ZGRF1: variants seen among roughly 807,000 people sequenced by gnomAD.
ZGRF1 encodes 5'-3' DNA helicase ZGRF1.
In ZGRF1, 196 loss-of-function variants were observed where a neutral mutation model predicts 203.5. The ratio of observed to expected loss-of-function variants is 0.96; its 90% CI spans 0.86 to 1.08. ZGRF1 has a LOEUF of 1.08. Ranked by LOEUF, ZGRF1 falls within the 50% of genes least tolerant of loss-of-function variation. ZGRF1 has a pLI of 0.00. For missense variants in ZGRF1, 2,326 were observed against 2,416.3 expected (o/e 0.96, Z 0.78); for synonymous variants, 809 against 841.3 (o/e 0.96, Z 0.66).
At position 112,586,583 on chromosome 4, in the gene ZGRF1, C is replaced by T; in HGVS notation, c.3778G>A (p.Glu1260Lys). ...AAGCACAGCTCAGAGCCACTTATCT[C>T]CTGCAATGGAATAATTCAAGTTATC... ...CYNYSVKDLQEISGSELCFPS... is the reference protein window; with the variant it reads ...CYNYSVKDLQKISGSELCFPS... Residue 1260 changes from glutamate (E) to lysine (K), a missense_variant and splice_region_variant, in exon 13 of 28, where the codon GAG becomes AAG. By Grantham distance (56) the Glu-to-Lys change is moderately conservative. Coordinates refer to ENST00000505019, the MANE Select transcript of ZGRF1 (RefSeq NM_018392.5). The T allele has an allele frequency of 6.3e-7, 1 of 1,599,214 alleles. No individual in the cohort carries two copies. Among genetic ancestry groups the T allele is most frequent in the Non-Finnish European group, 8.5e-7 (1 of 1,171,616 alleles).
intron 16 of ZGRF1, among the ~76,000 whole-genome samples, chr4:112,570,284 T>G (rs1261820666): frequency 1.3e-5 from 2 of 152,130 alleles, no homozygotes; most frequent in African/African-American, 4.8e-5. Flanking sequence ...TTGGCTACAA[T>G]CAAGTGTACA....
chr4:112,540,448 A>T (rs1223723032), intron 26 of ZGRF1, among the ~76,000 whole-genome samples: 1 of 152,220 alleles, frequency 6.6e-6, no homozygotes, highest in Non-Finnish European at 1.5e-5. Flanking sequence ...TCATGTGTAC[A>T]TTAATATTTG....
chr4:112,604,305 T>TATA (rs777946679), intron 9 of ZGRF1, among the ~76,000 whole-genome samples: 4 of 151,766 alleles, frequency 2.6e-5, no homozygotes, highest in Non-Finnish European at 4.4e-5. Context: ...TAAAGATGAG[T>TATA]ATAATAATAA....
At chr4:112,620,393 A>T (rs1380577355) in intron 4 of ZGRF1, among the ~76,000 whole-genome samples, 1 of 152,240 alleles carries the variant, frequency 6.6e-6, no homozygotes, top group Non-Finnish European at 1.5e-5. Flanking sequence ...ATATAATTTT[A>T]AAATTTCTCT....
chr4:112,632,670 T>C (rs2047449972), intron 2 of ZGRF1, among the ~76,000 whole-genome samples: 1 of 152,232 alleles, frequency 6.6e-6, no homozygotes, highest in African/African-American at 2.4e-5. Flanking sequence ...TAACTTCTAA[T>C]ATGAAAAACA....
At chr4:112,573,501 T>C (rs556770189) in intron 16 of ZGRF1, among the ~76,000 whole-genome samples, 3 of 152,178 alleles carry the variant, frequency 2.0e-5, no homozygotes, top group Non-Finnish European at 4.4e-5. Context: ...AAATCACTAC[T>C]AAAGAGCTTA....
chr4:112,584,111 C>G lies in ZGRF1; in HGVS notation c.4165G>C (p.Glu1389Gln), dbSNP rs1278028093. ...GTTGAATATCCTGGAGTCACGTCCT[C>G]AAGCCATTTAAAGAATTTACATCGA... ...ADRCKFFKWL[E>Q]DVTPGYSTQE... Residue 1389 changes from glutamate (E) to glutamine (Q), a missense_variant, in exon 15 of 28, where the codon GAG becomes CAG. Physicochemically the swap from Glu to Gln is conservative, Grantham distance 29 (BLOSUM62 2). Coordinates refer to ENST00000505019, the MANE Select transcript of ZGRF1 (RefSeq NM_018392.5). 1 of 1,613,598 alleles carries G rather than the reference C, an allele frequency of 6.2e-7. No individual in the cohort carries two copies. Among genetic ancestry groups the G allele is most frequent in the East Asian group, 2.2e-5 (1 of 44,848 alleles).
intron 16 of ZGRF1, among the ~76,000 whole-genome samples, chr4:112,570,935 T>C (rs1744095879): frequency 1.3e-5 from 2 of 152,144 alleles, no homozygotes; most frequent in African/African-American, 4.8e-5. Context: ...AAACCCTGTC[T>C]CTACTAAAAA....
chr4:112,617,822 T>A lies in ZGRF1; in HGVS notation c.2220A>T (p.Leu740=). ...CATAGTGATTCTGATTGGTATTTAA[T>A]AGTTGGACACTGTTGTCACTACTAG... ...STSSSDNSVQ[L]LNTNQNHYEC... The change falls in exon 6 of 28, where the codon CTA becomes CTT. Residue 740 remains leucine (L), a synonymous_variant. Coordinates refer to ENST00000505019, the MANE Select transcript of ZGRF1 (RefSeq NM_018392.5). 5 of 1,614,072 alleles carry A rather than the reference T, an allele frequency of 3.1e-6. No individual in the cohort carries two copies. The highest frequency in any genetic ancestry group is 4.2e-6 in the Non-Finnish European group (5 of 1,179,938).
chr4:112,550,339 TAA>T (rs1201086503), intron 22 of ZGRF1, among the ~76,000 whole-genome samples: 11 of 151,714 alleles, frequency 7.3e-5, no homozygotes, highest in Non-Finnish European at 1.6e-4. Context: ...GTTTTAAAGG[TAA>T]AAAAAGAAAA....
chr4:112,617,460 T>A lies in ZGRF1; in HGVS notation c.2582A>T (p.Glu861Val), dbSNP rs1042386451. 1 of 1,559,864 alleles carries A rather than the reference T, an allele frequency of 6.4e-7. No individual in the cohort carries two copies. Among genetic ancestry groups the A allele is most frequent in the African/African-American group, 1.4e-5 (1 of 72,602 alleles). Residue 861 changes from glutamate to valine, a missense_variant, in exon 6 of 28, where the codon GAG becomes GTG. Physicochemically the swap from Glu to Val is moderately radical, Grantham distance 121 (BLOSUM62 -2). Coordinates refer to ENST00000505019, the MANE Select transcript of ZGRF1 (RefSeq NM_018392.5). The part of the protein sequence containing the change: ...VFQQGTQQTY[E>V]PDSPPEVRKP... ...CTAACCTTCAGGAGGGCTATCTGGC[T>A]CATACGTCTGTTGAGTTCCTTGCTG...
At chr4:112,614,974 G>A (rs2046818672) in intron 6 of ZGRF1, among the ~76,000 whole-genome samples, 1 of 152,142 alleles carries the variant, frequency 6.6e-6, no homozygotes, top group Non-Finnish European at 1.5e-5. Flanking sequence ...TGAGTTTAAT[G>A]TTAATGAATT....
intron 10 of ZGRF1, among the ~76,000 whole-genome samples, chr4:112,599,244 TATA>T (rs1245711817): frequency 6.6e-6 from 1 of 152,190 alleles, no homozygotes; most frequent in Non-Finnish European, 1.5e-5. Flanking sequence ...GAAATATTTT[TATA>T]ATATTGAAAA....
chr4:112,593,744 G>A (rs1367643770), intron 10 of ZGRF1, among the ~76,000 whole-genome samples: 1 of 152,136 alleles, frequency 6.6e-6, no homozygotes, highest in Non-Finnish European at 1.5e-5. Flanking sequence ...CAATGCTGGA[G>A]AAGCCCTCCT....
rs1000750338 is a variant in ZGRF1, at chr4:112,540,214, T to A, written c.5911-90A>T. ...CTCAAAGCAACCACTGTAATTTAAC[T>A]AATAGTAAATAATTTTCATTTTTCT... On this transcript the variant is annotated intron_variant, in intron 26 of 27. Transcript: ENST00000505019. 8.1e-6 allele frequency: 7 copies of A among 862,772 alleles called. No individual in the cohort carries two copies. In the East Asian group the frequency reaches 2.1e-4, roughly 26 times the overall value. 53.4% of individuals were successfully genotyped at this position (862,772 alleles called of 1,614,324 possible).
chr4:112,596,296 T>C (rs994846240), intron 10 of ZGRF1, among the ~76,000 whole-genome samples: 1 of 151,882 alleles, frequency 6.6e-6, no homozygotes, highest in South Asian at 2.1e-4. Flanking sequence ...AAGCACCTAG[T>C]AAAGGAAAGC....
rs955660201 is a variant in ZGRF1 at position 112,620,820 on chromosome 4, C to T, written c.163-630G>A. 4.0e-5 allele frequency among the ~76,000 whole-genome samples: 6 copies of T among 149,552 alleles called. No homozygotes were observed. In the Admixed American group the frequency reaches 4.0e-4, roughly 10 times the overall value. On this transcript the variant is annotated intron_variant, in intron 4 of 27. Transcript: ENST00000505019. ...TCAAGGCTGCAGTGAGCAGTTTTCA[C>T]ACCACTGCTCTCTAGCCTAGGTGAC...
chr4:112,608,103 T>C (rs1003307987), intron 8 of ZGRF1, among the ~76,000 whole-genome samples: 2 of 152,340 alleles, frequency 1.3e-5, no homozygotes, highest in African/African-American at 2.4e-5. Context: ...AGGGGGATCA[T>C]ACTATGTCAT....
rs780872044 is a variant in ZGRF1 at position 112,620,201 on chromosome 4, A to T, written c.163-11T>A. ...ATCTCCAGGTTTCACCTGAAAGAAT[A>T]AATGTCAAAATCACATACATCTAAT... On this transcript the variant is annotated splice_polypyrimidine_tract_variant and intron_variant, in intron 4 of 27. Coordinates refer to ENST00000505019, the MANE Select transcript of ZGRF1 (RefSeq NM_018392.5). The T allele has an allele frequency of 7.5e-6, 12 of 1,591,336 alleles. No individual in the cohort carries two copies. The highest frequency in any genetic ancestry group is 2.7e-5 in the African/African-American group (2 of 73,950).
Sources: gnomAD v4.1 joint callset for allele counts (sites outside exome capture counted in the v4.1 genomes callset) on GRCh38, gnomAD v4.1.1 for gene constraint, MANE v1.5 for transcripts, NCBI Gene and HGNC (gene_info 2026-07-23, HGNC 2026-07-21) for gene names.